NFILZ: variants seen among roughly 807,000 people sequenced by gnomAD.
The protein encoded by NFILZ is NFIL3 like basic leucine zipper.
At chr19:8,634,864 CACAAACAAACAAACAAACAAACAA>C (rs150599717) in intron 2 of NFILZ, among the ~76,000 whole-genome samples, 3 of 150,474 alleles carry the variant, frequency 2.0e-5, no homozygotes, top group Non-Finnish European at 3.0e-5. Flanking sequence ...AAGACCCTAT[CACAAACAAACAAACAAACAAACAA>C]ACAAACAAAC....
intron 3 of NFILZ, among the ~76,000 whole-genome samples, chr19:8,646,210 T>C (rs2042938747): frequency 6.6e-6 from 1 of 152,110 alleles, no homozygotes; most frequent in African/African-American, 2.4e-5. Context: ...CTAATTTTTA[T>C]ACTTTTAGTA....
chr19:8,670,384 G>A (rs1004893156), intron 3 of NFILZ, among the ~76,000 whole-genome samples: 1 of 152,152 alleles, frequency 6.6e-6, no homozygotes, highest in African/African-American at 2.4e-5. Flanking sequence ...TTATGGGTGT[G>A]AGCCATTGCA....
At chr19:8,633,917 TC>T (rs1568416472) in intron 2 of NFILZ, among the ~76,000 whole-genome samples, 2 of 147,570 alleles carry the variant, frequency 1.4e-5, no homozygotes. Flanking sequence ...CTTCCTTCCT[TC>T]CTTCCTTCCT....
Position 8,679,330 on chromosome 19 carries a change from A to T in NFILZ, c.*1695A>T, listed in dbSNP as rs575646310. Reference sequence around the variant, plus strand: ...TACATCAGGGATCTTGTTAGATTCTAGATAAAAATACTCAAACTCCAATCA... The same window carrying T: ...TACATCAGGGATCTTGTTAGATTCTTGATAAAAATACTCAAACTCCAATCA... On this transcript the variant is annotated 3_prime_UTR_variant, in exon 6 of 6. Transcript: ENST00000691075. Among the ~76,000 whole-genome samples the T allele has an allele frequency of 4.0e-5, 6 of 151,670 alleles. No individual in the cohort carries two copies. The highest frequency in any genetic ancestry group is 4.4e-5 in the Non-Finnish European group (3 of 67,938).
At chr19:8,655,380 C>A (rs547080378) in intron 3 of NFILZ, among the ~76,000 whole-genome samples, 22 of 152,310 alleles carry the variant, frequency 1.4e-4, no homozygotes, top group African/African-American at 4.8e-4. Flanking sequence ...AGGTCTTCCT[C>A]CCCCTGTACC....
intron 3 of NFILZ, among the ~76,000 whole-genome samples, chr19:8,664,694 G>C (rs1053470178): frequency 3.0e-4 from 46 of 152,222 alleles, no homozygotes; most frequent in African/African-American, 1.1e-3. Flanking sequence ...ACCTGGGCTG[G>C]GCTGCCCAGG....
At chr19:8,676,190 G>C (rs188347599) in intron 4 of NFILZ, among the ~76,000 whole-genome samples, 169 bp from the exon 5 acceptor site, 1 of 152,168 alleles carries the variant, frequency 6.6e-6, no homozygotes, top group African/African-American at 2.4e-5. Flanking sequence ...TGGATTACCC[G>C]ATGAATGGGT....
intron 3 of NFILZ, among the ~76,000 whole-genome samples, chr19:8,651,168 C>T (rs1568420013): frequency 6.6e-6 from 1 of 151,222 alleles, no homozygotes; most frequent in African/African-American, 2.4e-5. Flanking sequence ...ATATAATAAG[C>T]TTTTTTTTTC....
At chr19:8,652,986 TCCTTC>T (rs2042972770) in intron 3 of NFILZ, among the ~76,000 whole-genome samples, 1 of 19,384 alleles carries the variant, frequency 5.2e-5, no homozygotes, top group Non-Finnish European at 1.1e-4. Context: ...CTTCCTTCCT[TCCTTC>T]CTTCCTTCCT....
chr19:8,679,160 A>ACACT lies in NFILZ; in HGVS notation c.*1526_*1527insACTC, dbSNP rs3040091. 0.19 allele frequency among the ~76,000 whole-genome samples: 28,666 copies of ACACT among 151,440 alleles called. 2,904 individuals are homozygous for ACACT. The highest frequency in any genetic ancestry group is 0.24 in the Admixed American group (3,617 of 15,228). On this transcript the variant is annotated 3_prime_UTR_variant, in exon 6 of 6. Coordinates refer to ENST00000691075, the MANE Select transcript of NFILZ (RefSeq NM_001378600.1). Reference sequence around the variant, plus strand: ...CCCTGCCCCTGAGAACCAGGTATACACCCACCCAGGTGGAAGGGTCCATTC... The same window carrying ACACT: ...CCCTGCCCCTGAGAACCAGGTATACACACTCCCACCCAGGTGGAAGGGTCCATTC...
chr19:8,653,637 C>G (rs2042979296), intron 3 of NFILZ, among the ~76,000 whole-genome samples: 1 of 152,170 alleles, frequency 6.6e-6, no homozygotes, highest in Admixed American at 6.5e-5. Context: ...GAATATTATT[C>G]AGCCATGAAA....
chr19:8,666,978 A>G (rs1555749888), intron 3 of NFILZ, among the ~76,000 whole-genome samples: 1 of 145,150 alleles, frequency 6.9e-6, no homozygotes, highest in Non-Finnish European at 1.5e-5. Flanking sequence ...TCGGACTCCT[A>G]AGTTCAACTG....
chr19:8,672,665 T>G (rs1272544571), intron 3 of NFILZ, among the ~76,000 whole-genome samples: 2 of 152,204 alleles, frequency 1.3e-5, no homozygotes, highest in African/African-American at 4.8e-5. Flanking sequence ...ATGCCAAAAA[T>G]CCATGCATTT....
At chr19:8,673,666 C>A (rs959313124) in intron 3 of NFILZ, among the ~76,000 whole-genome samples, 3 of 152,088 alleles carry the variant, frequency 2.0e-5, no homozygotes, top group Non-Finnish European at 4.4e-5. Context: ...AGAGGAGGTC[C>A]TGGGCATGGG....
chr19:8,633,475 G>A (rs1355091964), intron 2 of NFILZ, among the ~76,000 whole-genome samples: 2 of 152,174 alleles, frequency 1.3e-5, no homozygotes, highest in Non-Finnish European at 2.9e-5. Context: ...TAGGGAAGCT[G>A]CGGCTAAGCT....
intron 3 of NFILZ, among the ~76,000 whole-genome samples, chr19:8,643,637 ATCT>A (rs1407341788): frequency 7.2e-5 from 11 of 152,144 alleles, no homozygotes; most frequent in African/African-American, 2.4e-4. Context: ...AGGGACATTG[ATCT>A]TCTACCCCTG....
At chr19:8,661,840 G>T (rs782166979) in intron 3 of NFILZ, among the ~76,000 whole-genome samples, 1 of 152,084 alleles carries the variant, frequency 6.6e-6, no homozygotes, top group East Asian at 1.9e-4. Context: ...AGCAGAGATC[G>T]CGCCACTGTA....
chr19:8,648,122 C>T (rs539096391), intron 3 of NFILZ, among the ~76,000 whole-genome samples: 2 of 141,838 alleles, frequency 1.4e-5, no homozygotes, highest in East Asian at 2.2e-4. Context: ...TGCAGTGAGC[C>T]GAGATTGAGC....
At chr19:8,663,702 GGT>G (rs2043043430) in intron 3 of NFILZ, among the ~76,000 whole-genome samples, 1 of 151,462 alleles carries the variant, frequency 6.6e-6, no homozygotes, top group Non-Finnish European at 1.5e-5. Flanking sequence ...GAATTAACAA[GGT>G]GTGGTGTGTG....
Sources: gnomAD v4.1 joint callset for allele counts (sites outside exome capture counted in the v4.1 genomes callset) on GRCh38, gnomAD v4.1.1 for gene constraint, MANE v1.5 for transcripts, NCBI Gene and HGNC (gene_info 2026-07-23, HGNC 2026-07-21) for gene names.